Variants in HS6ST2 observed in about 807,000 individuals in gnomAD.
HS6ST2 encodes the protein heparan sulfate 6-O-sulfotransferase 2.
In HS6ST2, 17 loss-of-function variants were observed where a neutral mutation model predicts 33.0. That is an observed-to-expected ratio of 0.52 (90% CI 0.35 to 0.77). The LOEUF (loss-of-function observed/expected upper bound fraction) is 0.77, where lower values mean the gene tolerates loss of function less well. HS6ST2 is among the 30% of genes least tolerant of loss of function. The pLI, the probability that HS6ST2 is intolerant of heterozygous loss-of-function variation, is 0.01. For synonymous variants in HS6ST2, 248 were observed against 237.1 expected (o/e 1.05, Z -0.42); for missense variants, 519 against 551.7 (o/e 0.94, Z 0.59).
chrX:132,654,513 T>C (rs188385241), intron 4 of HS6ST2, among the ~76,000 whole-genome samples: 6 of 111,663 alleles, frequency 5.4e-5, no homozygotes, highest in Non-Finnish European at 1.1e-4. Flanking sequence ...AATACCAAAA[T>C]CCTCAACAAA....
chrX:132,708,324 A>G (rs2148249221), intron 3 of HS6ST2, 138 bp downstream of exon 3: 1 of 306,300 alleles, frequency 3.3e-6, no homozygotes, highest in African/African-American at 2.9e-5. Context: ...AAAAAAAAAA[A>G]AAAAGCCCTG....
At position 132,694,276 on chromosome X, in the gene HS6ST2, C is replaced by G. The variant is rs1193069885; in HGVS notation, c.980+14186G>C. Among the ~76,000 whole-genome samples, 3 of 111,967 alleles carry G rather than the reference C, an allele frequency of 2.7e-5. No individual in the cohort carries two copies. In the East Asian group the frequency reaches 8.5e-4, roughly 32 times the overall value. On this transcript the variant is annotated intron_variant, in intron 3 of 4. Coordinates refer to ENST00000370833, the MANE Select transcript of HS6ST2 (RefSeq NM_001394073.1). Reference sequence around the variant, plus strand: ...CTTCCTGCTGGCCAAGACCAGTGACCTCTTTTTAAGAATTGGACTCCTTGG... The same window carrying G: ...CTTCCTGCTGGCCAAGACCAGTGACGTCTTTTTAAGAATTGGACTCCTTGG...
intron 2 of HS6ST2, among the ~76,000 whole-genome samples, chrX:132,806,956 T>C (rs2065289345): frequency 9.1e-6 from 1 of 110,344 alleles, no homozygotes; most frequent in African/African-American, 3.3e-5. Context: ...CTTCAACCTA[T>C]GTGATTGGGA....
intron 4 of HS6ST2, among the ~76,000 whole-genome samples, chrX:132,646,955 A>T (rs2063649556): frequency 9.0e-6 from 1 of 111,552 alleles, no homozygotes. Context: ...ATTCACTATC[A>T]CAAGAACAGC....
intron 2 of HS6ST2, among the ~76,000 whole-genome samples, chrX:132,763,166 C>G (rs2064817703): frequency 1.8e-5 from 2 of 111,950 alleles, no homozygotes; most frequent in African/African-American, 6.5e-5. Context: ...AAAGACCGGA[C>G]TAGAAGCCAT....
chrX:132,807,487 G>T (rs1179096093), intron 2 of HS6ST2, among the ~76,000 whole-genome samples: 2 of 110,893 alleles, frequency 1.8e-5, no homozygotes, highest in Non-Finnish European at 1.9e-5. Context: ...GTGCTGTCAG[G>T]GTAGGGGAGG....
intron 2 of HS6ST2, 123 bp from the exon 3 acceptor site, chrX:132,708,617 C>T: frequency 1.7e-6 from 1 of 590,313 alleles, no homozygotes; most frequent in Non-Finnish European, 2.7e-6. Context: ...CTTAGGGAAA[C>T]AGCTCATAGA....
At chrX:132,681,647 A>T (rs1229768274) in intron 3 of HS6ST2, among the ~76,000 whole-genome samples, 3 of 111,873 alleles carry the variant, frequency 2.7e-5, no homozygotes, top group Non-Finnish European at 5.6e-5. Flanking sequence ...TTAAAAAAAA[A>T]TTTAAGTCAG....
chrX:132,675,485 G>A (rs1478030991), intron 3 of HS6ST2, among the ~76,000 whole-genome samples: 1 of 111,751 alleles, frequency 8.9e-6, no homozygotes, highest in African/African-American at 3.3e-5. Flanking sequence ...ATGAGGGAAA[G>A]TGAAGGCCTC....
intron 2 of HS6ST2, among the ~76,000 whole-genome samples, chrX:132,896,136 TG>T (rs1250137212): frequency 2.7e-5 from 3 of 110,162 alleles, no homozygotes; most frequent in African/African-American, 9.9e-5. Context: ...AGTGGGGGAC[TG>T]GGGATGGGTG....
At chrX:132,897,096 T>G (rs1357986492) in intron 2 of HS6ST2, among the ~76,000 whole-genome samples, 2 of 111,240 alleles carry the variant, frequency 1.8e-5, no homozygotes, top group African/African-American at 6.5e-5. Context: ...CAGGAGACAA[T>G]GAGGAAGTCC....
At chrX:132,810,696 T>G (rs764386521) in intron 2 of HS6ST2, among the ~76,000 whole-genome samples, 1 of 111,735 alleles carries the variant, frequency 8.9e-6, no homozygotes, top group South Asian at 3.8e-4. Flanking sequence ...AGAGCTCATG[T>G]GCATTTCTTC....
At chrX:132,772,580 T>C (rs977913292) in intron 2 of HS6ST2, among the ~76,000 whole-genome samples, 18 of 103,622 alleles carry the variant, frequency 1.7e-4, no homozygotes, top group Non-Finnish European at 2.9e-4. Context: ...TAAAAATAAT[T>C]GTATTCTATA....
chrX:132,798,549 C>T (rs2065207231), intron 2 of HS6ST2, among the ~76,000 whole-genome samples: 1 of 111,553 alleles, frequency 9.0e-6, no homozygotes, highest in Admixed American at 9.6e-5. Flanking sequence ...CAGTATTGTC[C>T]TATTTGTGCT....
At chrX:132,629,605 A>T (rs1440868942) in intron 4 of HS6ST2, among the ~76,000 whole-genome samples, 2 of 112,598 alleles carry the variant, frequency 1.8e-5, no homozygotes, top group Non-Finnish European at 3.7e-5. Flanking sequence ...TTTTTCTAAT[A>T]TCCAGTCTAA....
At chrX:132,746,375 C>T (rs1020634352) in intron 2 of HS6ST2, among the ~76,000 whole-genome samples, 15 of 110,130 alleles carry the variant, frequency 1.4e-4, no homozygotes, top group Non-Finnish European at 2.7e-4. Flanking sequence ...TGGTGGCGGG[C>T]GCCTGTAGTC....
At chrX:132,936,066 G>C (rs956051010) in intron 2 of HS6ST2, among the ~76,000 whole-genome samples, 2 of 17,615 alleles carry the variant, frequency 1.1e-4, no homozygotes, top group African/African-American at 4.0e-4. Context: ...TCTTTGAAGA[G>C]ATCAACAAAA....
chrX:132,647,147 C>G (rs2063651832), intron 4 of HS6ST2, among the ~76,000 whole-genome samples: 1 of 111,335 alleles, frequency 9.0e-6, no homozygotes, highest in Non-Finnish European at 1.9e-5. Flanking sequence ...CTCCATCAGC[C>G]TTTCCCCTCA....
intron 2 of HS6ST2, among the ~76,000 whole-genome samples, chrX:132,716,586 A>G (rs940036697): frequency 3.6e-5 from 4 of 111,929 alleles, no homozygotes; most frequent in Admixed American, 9.5e-5. Flanking sequence ...GAATTCTCCA[A>G]ACGCAAGCAC....
Sources: allele counts gnomAD v4.1 joint callset (sites outside exome capture counted in the v4.1 genomes callset), GRCh38; gene constraint gnomAD v4.1.1; transcripts MANE v1.5; gene names NCBI Gene and HGNC (gene_info 2026-07-23, HGNC 2026-07-21).